CACNA1C: variants seen among roughly 807,000 people sequenced by gnomAD.
CACNA1C encodes the protein voltage-dependent L-type calcium channel subunit alpha-1C.
CACNA1C carries 30 observed loss-of-function variants against 229.0 expected under a neutral mutation model. The observed-to-expected ratio is 0.13, with a 90% CI of 0.10 to 0.18. The LOEUF is 0.18. CACNA1C is among the 10% of genes least tolerant of loss of function. The pLI is 1.00. For missense variants in CACNA1C, 1,658 were observed against 2,845.0 expected, an observed-to-expected ratio of 0.58 and a Z score of 9.49; for synonymous variants, 1,114 against 1,132.5, an observed-to-expected ratio of 0.98 and a Z score of 0.33.
chr12:2,352,336 C>G (rs958763550), intron 3 of CACNA1C, among the ~76,000 whole-genome samples: 1 of 152,202 alleles, frequency 6.6e-6, no homozygotes, highest in Non-Finnish European at 1.5e-5. Flanking sequence ...TCTGAAAATA[C>G]AGTTACCCTG....
Position 2,152,034 on chromosome 12 carries a change from G to T in CACNA1C, c.477+31604G>T, listed in dbSNP as rs1355309020. On this transcript the variant is annotated intron_variant, in intron 3 of 46. Transcript: ENST00000399655. This position sits in a 1 kb window ranked among gnomAD's most constrained non-coding sequence, Gnocchi z 4.2. ...TGGCGTTTTTAGTGCCTTGACTAGT[G>T]TGAGAAACTTGAAACTCAGTCTCAT... 6.6e-6 allele frequency among the ~76,000 whole-genome samples: 1 copy of T among 152,196 alleles called. No homozygotes were observed. The highest frequency in any genetic ancestry group is 1.5e-5 in the Non-Finnish European group (1 of 68,042).
rs1272181727 is a variant in CACNA1C at position 2,639,421 on chromosome 12, T to C, written c.3912+5041T>C. 6.6e-6 allele frequency among the ~76,000 whole-genome samples: 1 copy of C among 152,246 alleles called. No homozygotes were observed. Among genetic ancestry groups the C allele is most frequent in the Non-Finnish European group, 1.5e-5 (1 of 68,048 alleles). On this transcript the variant is annotated intron_variant, in intron 30 of 46. Coordinates refer to ENST00000399655, the MANE Select transcript of CACNA1C (RefSeq NM_000719.7). The surrounding 1 kb of genome is among the most constrained non-coding windows in gnomAD (Gnocchi z 4.2). Reference sequence around the variant, plus strand: ...CGACACACTTCTTTTTCATTTTGTATTTTAAAATATACTGAACAATAGAAA... The same window carrying C: ...CGACACACTTCTTTTTCATTTTGTACTTTAAAATATACTGAACAATAGAAA...
At chr12:2,417,134 T>C (rs926405666) in intron 3 of CACNA1C, among the ~76,000 whole-genome samples, 2 of 152,222 alleles carry the variant, frequency 1.3e-5, no homozygotes, top group Admixed American at 1.3e-4. Context: ...GGTCCAATGG[T>C]GAAATCAGAC....
chr12:2,085,580 C>G (rs147305785), intron 1 of CACNA1C, among the ~76,000 whole-genome samples: 1 of 152,052 alleles, frequency 6.6e-6, no homozygotes, highest in African/African-American at 2.4e-5. Context: ...TTATAAATAC[C>G]CTTAGCTGTT....
chr12:2,054,712 C>T lies in CACNA1C; in HGVS notation c.49+1101C>T, dbSNP rs565559918. Among the ~76,000 whole-genome samples the T allele has an allele frequency of 6.6e-6, 1 of 152,334 alleles. No homozygotes were observed. Among genetic ancestry groups the T allele is most frequent in the East Asian group, 1.9e-4 (1 of 5,188 alleles). On this transcript the variant is annotated intron_variant, in intron 1 of 46. Transcript: ENST00000399655. This position sits in a 1 kb window ranked among gnomAD's most constrained non-coding sequence, Gnocchi z 5.5. ...TGACATCTCTTTCTTCTCGCCACTG[C>T]TCTGTCTCTTTGGGTGTAGTCTCTC... is the stretch of plus-strand genomic sequence containing the variant.
Position 2,649,570 on chromosome 12 carries a change from A to T in CACNA1C, c.3945+1063A>T, listed in dbSNP as rs780369507. ...GAGCAAATTGGTGCATCCGAATGGC[A>T]GTGAGTTTATTCTCCTTCTCGAGCA... On this transcript the variant is annotated intron_variant, in intron 31 of 46. Coordinates refer to ENST00000399655, the MANE Select transcript of CACNA1C (RefSeq NM_000719.7). The surrounding 1 kb of genome is among the most constrained non-coding windows in gnomAD (Gnocchi z 4.4). Among the ~76,000 whole-genome samples the T allele has an allele frequency of 6.6e-6, 1 of 152,316 alleles. No individual in the cohort carries two copies. The highest frequency in any genetic ancestry group is 1.9e-4 in the East Asian group (1 of 5,186).
chr12:2,578,387 G>A (rs949256771), intron 13 of CACNA1C, among the ~76,000 whole-genome samples: 5 of 152,130 alleles, frequency 3.3e-5, no homozygotes, highest in Non-Finnish European at 7.4e-5. Context: ...GAGGCTCTGG[G>A]CCCAGAATCT....
At chr12:2,489,227 A>G (rs1037032719) in intron 6 of CACNA1C, among the ~76,000 whole-genome samples, 7 of 152,200 alleles carry the variant, frequency 4.6e-5, no homozygotes, top group African/African-American at 1.4e-4. Flanking sequence ...TGAGATTTAC[A>G]TCAAATTCTT....
intron 1 of CACNA1C, among the ~76,000 whole-genome samples, chr12:2,020,966 G>C (rs1232436557): frequency 6.6e-6 from 1 of 152,120 alleles, no homozygotes; most frequent in Admixed American, 6.5e-5. Flanking sequence ...CTGACTTCTT[G>C]GGGCCATACA....
rs1296966416 is a variant in CACNA1C, at chr12:2,649,915, A to G, written c.3945+1408A>G. On this transcript the variant is annotated intron_variant, in intron 31 of 46. Coordinates refer to ENST00000399655, the MANE Select transcript of CACNA1C (RefSeq NM_000719.7). This position sits in a 1 kb window ranked among gnomAD's most constrained non-coding sequence, Gnocchi z 4.4. ...TTTTAAGGAGTGAAAATAGAAGTTC[A>G]AGCAGATACACAGGTGATAGAAATA... 1.3e-5 allele frequency among the ~76,000 whole-genome samples: 2 copies of G among 151,658 alleles called. No homozygotes were observed. Among genetic ancestry groups the G allele is most frequent in the East Asian group, 3.9e-4 (2 of 5,146 alleles).
intron 18 of CACNA1C, among the ~76,000 whole-genome samples, chr12:2,588,191 C>A (rs2063398877): frequency 6.6e-6 from 1 of 152,240 alleles, no homozygotes; most frequent in African/African-American, 2.4e-5. Context: ...CTGGTTCCTT[C>A]CTGCTTCTTG....
intron 3 of CACNA1C, among the ~76,000 whole-genome samples, chr12:2,396,431 T>A (rs2098579408): frequency 6.6e-6 from 1 of 152,046 alleles, no homozygotes; most frequent in South Asian, 2.1e-4. Context: ...CTTTCTGTGG[T>A]TGGGGGCAGA....
At position 2,053,599 on chromosome 12, in the gene CACNA1C, G is replaced by A. The variant is rs754656999; in HGVS notation, c.37G>A (p.Glu13Lys). 1.1e-5 allele frequency: 17 copies of A among 1,597,208 alleles called. No individual in the cohort carries two copies. The South Asian group carries it at 1.9e-4, about 18-fold the overall frequency. Residue 13 changes from glutamate (E) to lysine (K), a missense_variant, in exon 1 of 47, where the codon GAA (glutamate) becomes AAA (lysine). Physicochemically the swap from Glu to Lys is moderately conservative, Grantham distance 56. Transcript: ENST00000399655. The surrounding 1 kb of genome is among the most constrained non-coding windows in gnomAD (Gnocchi z 5.8). ...GAATACGAGGATGTACATTCCAGAG[G>A]AAAACCACCAAGGTAAGGCTGGACC... ...NENTRMYIPE[E>K]NHQGSNYGSP...
chr12:2,294,051 G>A (rs1414348456), intron 3 of CACNA1C, among the ~76,000 whole-genome samples: 1 of 152,348 alleles, frequency 6.6e-6, no homozygotes, highest in East Asian at 1.9e-4. Flanking sequence ...TTCAAAGGAA[G>A]ACGAGACACA....
intron 19 of CACNA1C, among the ~76,000 whole-genome samples, chr12:2,594,368 G>C (rs2067027483): frequency 6.6e-6 from 1 of 152,058 alleles, no homozygotes; most frequent in African/African-American, 2.4e-5. Context: ...TTTCTTAGAG[G>C]GTCTTACATA....
intron 4 of CACNA1C, among the ~76,000 whole-genome samples, chr12:2,454,577 AACAC>A (rs2099405026): frequency 6.6e-6 from 1 of 152,128 alleles, no homozygotes; most frequent in African/African-American, 2.4e-5. Flanking sequence ...CACCTGGAAA[AACAC>A]CAACCCTAAT....
At chr12:2,378,963 G>A (rs1408046216) in intron 3 of CACNA1C, among the ~76,000 whole-genome samples, 10 of 152,076 alleles carry the variant, frequency 6.6e-5, no homozygotes, top group Non-Finnish European at 1.3e-4. Flanking sequence ...GTCGCATTTA[G>A]GAAACTACCT....
At chr12:2,584,679 A>T (rs1046456217) in intron 16 of CACNA1C, 62 bp downstream of exon 16, 150 of 1,117,838 alleles carry the variant, frequency 1.3e-4, no homozygotes, top group Non-Finnish European at 1.9e-4. Context: ...ATGTCTTCCC[A>T]CTGGTGGCAG....
chr12:1,982,991 A>G (rs1006792715), intron 1 of CACNA1C, among the ~76,000 whole-genome samples: 40 of 152,014 alleles, frequency 2.6e-4, no homozygotes, highest in Non-Finnish European at 1.8e-4. Flanking sequence ...TTCTTGAGTT[A>G]ATTCTGATGA....
Sources: allele counts gnomAD v4.1 joint callset (sites outside exome capture counted in the v4.1 genomes callset), GRCh38; gene constraint gnomAD v4.1.1; non-coding constraint Gnocchi (gnomAD v3.1); transcripts MANE v1.5; gene names NCBI Gene and HGNC (gene_info 2026-07-23, HGNC 2026-07-21).